Variants in KCNAB2 observed in about 807,000 individuals in gnomAD.
KCNAB2 encodes potassium voltage-gated channel subfamily A regulatory beta subunit 2.
Under a neutral mutation model 63.6 loss-of-function variants are expected in KCNAB2, and 29 were observed. The ratio of observed to expected loss-of-function variants is 0.46; its 90% CI spans 0.34 to 0.62. KCNAB2 has a LOEUF of 0.62. Among genes scored for constraint, KCNAB2 ranks in the 20% least tolerant of loss-of-function variants. The pLI, the probability that KCNAB2 is intolerant of heterozygous loss-of-function variation, is 0.01. For missense variants in KCNAB2, 359 were observed against 563.9 expected, an observed-to-expected ratio of 0.64 and a Z score of 3.68; for synonymous variants, 222 against 224.2, an observed-to-expected ratio of 0.99 and a Z score of 0.09.
chr1:6,046,050 A>G lies in KCNAB2; in HGVS notation c.-160A>G. On this transcript the variant is annotated 5_prime_UTR_variant, in exon 1 of 16. Coordinates refer to ENST00000378083, the MANE Select transcript of KCNAB2 (RefSeq NM_001199862.2). ...GACTCTGGTGGGACTCATCTCATTC[A>G]CCAATTGCTTCTGACGTCCTGCAGT... 1.0e-6 allele frequency: 1 copy of G among 985,424 alleles called. No individual in the cohort carries two copies. The highest frequency in any genetic ancestry group is 1.2e-6 in the Non-Finnish European group (1 of 829,940). The allele number at this position is 985,424 out of a possible 1,614,324, so 61.0% of individuals were successfully genotyped here.
upstream of KCNAB2, among the ~76,000 whole-genome samples, chr1:6,043,848 CA>C (rs1660704687): frequency 1.3e-5 from 2 of 152,330 alleles, no homozygotes; most frequent in South Asian, 4.1e-4. Context: ...CAAACAACTC[CA>C]AAACTCAGTG....
In KCNAB2 at chr1:6,095,440, A is replaced by G. The variant is rs1665537383; in HGVS notation, c.850A>G (p.Ile284Val). The change falls in exon 12 of 16, where the codon ATA becomes GTA. Residue 284 changes from isoleucine (I) to valine (V), a missense_variant. Coordinates refer to ENST00000378083, the MANE Select transcript of KCNAB2 (RefSeq NM_001199862.2). The part of the protein sequence containing the change: ...EVQLPELFHK[I>V]GVGAMTWSPL... ...GCAGCTGCCGGAGCTGTTCCACAAGATAGGTGGGCACCCTCGGGCCCCTCG... is the reference window on the plus strand; with the variant it reads ...GCAGCTGCCGGAGCTGTTCCACAAGGTAGGTGGGCACCCTCGGGCCCCTCG... 1 of 1,612,924 alleles carries G rather than the reference A, an allele frequency of 6.2e-7. No individual in the cohort carries two copies. The highest frequency in any genetic ancestry group is 8.5e-7 in the Non-Finnish European group (1 of 1,180,008).
intron 15 of KCNAB2, chr1:6,097,851 C>T (rs1665776892): frequency 4.3e-6 from 1 of 232,244 alleles, no homozygotes; most frequent in South Asian, 1.4e-4. Context: ...CTGAGTGAGA[C>T]GGGAGCCGTG....
chr1:6,065,514 C>G (rs566573723), intron 2 of KCNAB2, among the ~76,000 whole-genome samples: 109 of 152,314 alleles, frequency 7.2e-4, no homozygotes, highest in African/African-American at 2.5e-3. Context: ...CTCCCCAAGA[C>G]CCCCTGAGCT....
intron 1 of KCNAB2, among the ~76,000 whole-genome samples, chr1:5,998,924 C>T (rs1241648265): frequency 1.3e-5 from 2 of 152,354 alleles, no homozygotes; most frequent in East Asian, 1.9e-4. Context: ...TGGACTTTGC[C>T]GCCAATGGCT....
intron 4 of KCNAB2, among the ~76,000 whole-genome samples, chr1:6,075,602 G>A (rs931009270): frequency 6.6e-6 from 1 of 152,196 alleles, no homozygotes; most frequent in Non-Finnish European, 1.5e-5. Flanking sequence ...CATCTAGAAG[G>A]GGGGGCCCGC....
chr1:6,062,239 G>T (rs1233095685), intron 2 of KCNAB2, among the ~76,000 whole-genome samples: 1 of 151,938 alleles, frequency 6.6e-6, no homozygotes, highest in Non-Finnish European at 1.5e-5. Flanking sequence ...ACTTGAACCC[G>T]GGAGGTGGAG....
chr1:6,011,678 G>A (rs181527759), intron 1 of KCNAB2, among the ~76,000 whole-genome samples: 45 of 152,360 alleles, frequency 3.0e-4, no homozygotes, highest in African/African-American at 9.9e-4. Context: ...ATAGAAACGG[G>A]GCTCTGGTGG....
intron 2 of KCNAB2, among the ~76,000 whole-genome samples, chr1:6,063,998 C>T (rs746360030): frequency 1.4e-4 from 22 of 152,206 alleles, no homozygotes; most frequent in Non-Finnish European, 2.8e-4. Flanking sequence ...GCTTAACGTG[C>T]ACCACTGGGG....
At chr1:6,001,064 G>A (rs1023637146) in intron 1 of KCNAB2, among the ~76,000 whole-genome samples, 2 of 152,162 alleles carry the variant, frequency 1.3e-5, no homozygotes, top group Non-Finnish European at 2.9e-5. Context: ...AGACAGCATG[G>A]GGTGTCAGGG....
intron 15 of KCNAB2, 101 bp downstream of exon 15, chr1:6,097,458 G>A (rs1665744113): frequency 1.3e-6 from 2 of 1,539,922 alleles, no homozygotes; most frequent in African/African-American, 1.4e-5. Context: ...TCTGTTCTAG[G>A]CACTCAGGAT....
chr1:6,079,979 T>A (rs1312579077), intron 4 of KCNAB2, among the ~76,000 whole-genome samples: 1 of 152,208 alleles, frequency 6.6e-6, no homozygotes, highest in Non-Finnish European at 1.5e-5. Context: ...GTTTTTAGGA[T>A]GTATTGTGAG....
At chr1:6,072,822 C>T (rs1259449856) in intron 3 of KCNAB2, 24 bp downstream of exon 3, 4 of 1,611,442 alleles carry the variant, frequency 2.5e-6, no homozygotes, top group Non-Finnish European at 3.4e-6. Context: ...TCCCCTCCGT[C>T]CCACCAGGGA....
rs1665710158 is a variant in KCNAB2 at position 6,097,147 on chromosome 1, TAGACCCCCTC to T, written c.1070-113_1070-104del. On this transcript the variant is annotated intron_variant, in intron 14 of 15. Transcript: ENST00000378083. The stretch of plus-strand genomic sequence containing the variant: ...CCGTGCCCAGCACTGCAGGGCTTCC[TAGACCCCCTC>T]AGACCCCCAGACCAAGATGCTGGGT... 14 of 1,167,824 alleles carry T rather than the reference TAGACCCCCTC, an allele frequency of 1.2e-5. No homozygotes were observed. In the South Asian group the frequency reaches 1.8e-4, roughly 15 times the overall value. 72.3% of individuals were successfully genotyped at this position (1,167,824 alleles called of 1,614,324 possible). A position where few individuals can be genotyped will look rare whatever the true frequency, so the allele number is the denominator to read the frequency against.
At chr1:6,082,103 A>G in intron 4 of KCNAB2, 92 bp from the exon 5 acceptor site, 1 of 1,066,198 alleles carries the variant, frequency 9.4e-7, no homozygotes, top group Middle Eastern at 2.0e-4. Context: ...GGGCCTGGAC[A>G]CGGGGAGGCC....
At chr1:6,095,247 C>T in intron 11 of KCNAB2, 76 bp from the exon 12 acceptor site, 1 of 1,490,542 alleles carries the variant, frequency 6.7e-7, no homozygotes, top group Non-Finnish European at 9.1e-7. Flanking sequence ...ACCTTGGTGC[C>T]CTCTCCATGG....
upstream of KCNAB2, among the ~76,000 whole-genome samples, chr1:6,032,618 G>A (rs1659706880): frequency 6.6e-6 from 1 of 150,704 alleles, no homozygotes; most frequent in Admixed American, 6.6e-5. Context: ...AAGAAAGAAA[G>A]AGAAAGAAAG....
At chr1:6,007,288 G>T (rs1657859809) in intron 1 of KCNAB2, among the ~76,000 whole-genome samples, 1 of 152,224 alleles carries the variant, frequency 6.6e-6, no homozygotes, top group Non-Finnish European at 1.5e-5. Flanking sequence ...GGGCCAAGTG[G>T]CCAAGAGACC....
chr1:6,018,584 A>T (rs1461001489), intron 1 of KCNAB2: 1 of 152,256 alleles, frequency 6.6e-6, no homozygotes, highest in East Asian at 1.9e-4. Context: ...AGTAGCTGGG[A>T]CCACAGGTAT....
Sources: gnomAD v4.1 joint callset for allele counts (sites outside exome capture counted in the v4.1 genomes callset) on GRCh38, gnomAD v4.1.1 for gene constraint, MANE v1.5 for transcripts, NCBI Gene and HGNC (gene_info 2026-07-23, HGNC 2026-07-21) for gene names.